CNTNAP2: variants seen among roughly 807,000 people sequenced by gnomAD.
The protein encoded by CNTNAP2 is contactin-associated protein-like 2.
A neutral mutation model predicts 155.2 loss-of-function variants in CNTNAP2; 98 were observed. The ratio of observed to expected loss-of-function variants is 0.63; its 90% confidence interval spans 0.54 to 0.75. The LOEUF is 0.75. Ranked by LOEUF, CNTNAP2 falls within the 30% of genes least tolerant of loss-of-function variation. CNTNAP2 has a pLI of 0.00. For synonymous variants in CNTNAP2, 651 were observed against 631.2 expected, an observed-to-expected ratio of 1.03 and a Z score of -0.47; for missense variants, 1,727 against 1,688.1, an observed-to-expected ratio of 1.02 and a Z score of -0.40.
chr7:147,821,654 G>A (rs1026373076), intron 13 of CNTNAP2, among the ~76,000 whole-genome samples: 2 of 152,080 alleles, frequency 1.3e-5, no homozygotes, highest in Non-Finnish European at 2.9e-5. Flanking sequence ...GAAGAATTTG[G>A]GTGTTGGGGA....
At chr7:147,898,094 G>T (rs1799803470) in intron 13 of CNTNAP2, among the ~76,000 whole-genome samples, 1 of 152,148 alleles carries the variant, frequency 6.6e-6, no homozygotes, top group African/African-American at 2.4e-5. Flanking sequence ...TGCCAAAAAT[G>T]GTCATGCCAA....
At chr7:147,750,913 G>A (rs1797123932) in intron 13 of CNTNAP2, among the ~76,000 whole-genome samples, 1 of 151,990 alleles carries the variant, frequency 6.6e-6, no homozygotes, top group African/African-American at 2.4e-5. Context: ...GGTGGTGGGC[G>A]CCTGAAGTCC....
intron 5 of CNTNAP2, among the ~76,000 whole-genome samples, chr7:147,110,245 C>T (rs545995985): frequency 2.0e-5 from 3 of 152,010 alleles, no homozygotes; most frequent in Non-Finnish European, 4.4e-5. Flanking sequence ...ATGGACAAGA[C>T]CAATGTATGT....
intron 1 of CNTNAP2, among the ~76,000 whole-genome samples, chr7:146,221,749 A>G (rs12668863): frequency 0.39 from 59,679 of 152,132 alleles, 14,039 homozygotes; most frequent in East Asian, 0.58. Flanking sequence ...TTATTTTATA[A>G]TGGCAAATTT....
At chr7:148,370,472 A>T (rs1177238238) in intron 21 of CNTNAP2, among the ~76,000 whole-genome samples, 1 of 152,148 alleles carries the variant, frequency 6.6e-6, no homozygotes, top group Non-Finnish European at 1.5e-5. Flanking sequence ...TCTTTTCTGG[A>T]TAACAAAAGG....
Position 148,386,698 on chromosome 7 carries a change from CAGGG to C in CNTNAP2, c.3715+2814_3715+2817del, listed in dbSNP as rs769649171. 5.8e-4 allele frequency among the ~76,000 whole-genome samples: 89 copies of C among 152,246 alleles called. 1 individual carries two copies. Among genetic ancestry groups the C allele is most frequent in the South Asian group, 1.0e-3 (5 of 4,812 alleles). On this transcript the variant is annotated intron_variant, in intron 22 of 23. Coordinates refer to ENST00000361727, the MANE Select transcript of CNTNAP2 (RefSeq NM_014141.6). ...ACAGCAGCCTCTGGTTGCTCAGTGT[CAGGG>C]AGGAAAAACTTTTCCTCTGTCCTCT...
chr7:148,399,344 G>A (rs1300566933), intron 22 of CNTNAP2, among the ~76,000 whole-genome samples: 1 of 152,072 alleles, frequency 6.6e-6, no homozygotes, highest in African/African-American at 2.4e-5. Context: ...GCAGTGGCAC[G>A]TGCCTATAGT....
chr7:146,257,148 A>G (rs1378456283), intron 1 of CNTNAP2, among the ~76,000 whole-genome samples: 3 of 152,198 alleles, frequency 2.0e-5, no homozygotes, highest in Non-Finnish European at 1.5e-5. Context: ...TATTATGCAG[A>G]TTTCTTGTTA....
intron 9 of CNTNAP2, among the ~76,000 whole-genome samples, chr7:147,373,017 TTAAAATCTAACTGATCG>T (rs1418495639): frequency 1.3e-5 from 2 of 152,122 alleles, no homozygotes; most frequent in East Asian, 3.9e-4. Flanking sequence ...CATCACATTA[TTAAAATCTAACTGATCG>T]TACCGTCCAG....
At chr7:146,746,517 TG>T (rs1259360380) in intron 1 of CNTNAP2, among the ~76,000 whole-genome samples, 3 of 152,132 alleles carry the variant, frequency 2.0e-5, no homozygotes, top group Non-Finnish European at 4.4e-5. Context: ...TATATTATCA[TG>T]TAAAAGTTAT....
intron 18 of CNTNAP2, among the ~76,000 whole-genome samples, chr7:148,214,714 G>A (rs960504417): frequency 2.0e-5 from 3 of 152,218 alleles, no homozygotes; most frequent in South Asian, 4.2e-4. Context: ...AGGACTACAG[G>A]CACCTACCAC....
rs191767282 is a variant in CNTNAP2 at position 146,829,801 on chromosome 7, T to C, written c.209-9910T>C. On this transcript the variant is annotated intron_variant, in intron 2 of 23. Transcript: ENST00000361727. ...GTCTCTTCAGAGCAATGTTACGAGA[T>C]TGAGTTTCCACATCATTCTGGTTAT... Among the ~76,000 whole-genome samples the C allele has an allele frequency of 4.6e-5, 7 of 152,228 alleles. No individual in the cohort carries two copies. In the South Asian group the frequency reaches 1.0e-3, roughly 23 times the overall value.
intron 12 of CNTNAP2, among the ~76,000 whole-genome samples, chr7:147,636,310 AGAT>A (rs1485570020): frequency 1.3e-5 from 2 of 152,198 alleles, no homozygotes; most frequent in African/African-American, 4.8e-5. Flanking sequence ...AGAGCCTAGA[AGAT>A]GAAGTCACTT....
intron 1 of CNTNAP2, among the ~76,000 whole-genome samples, chr7:146,240,809 G>T (rs1045570737): frequency 6.6e-6 from 1 of 151,866 alleles, no homozygotes; most frequent in Non-Finnish European, 1.5e-5. Flanking sequence ...AATGTCATTA[G>T]CCCGTTCTTG....
chr7:147,441,206 A>G (rs1233842585), intron 10 of CNTNAP2, among the ~76,000 whole-genome samples: 1 of 151,770 alleles, frequency 6.6e-6, no homozygotes, highest in East Asian at 2.0e-4. Context: ...TTTTAAGCTC[A>G]TTCTTTCTTC....
At chr7:148,193,056 A>G (rs911145612) in intron 18 of CNTNAP2, among the ~76,000 whole-genome samples, 3 of 152,202 alleles carry the variant, frequency 2.0e-5, no homozygotes, top group Non-Finnish European at 4.4e-5. Context: ...AAATGAATAT[A>G]CTTTTGAGGT....
At chr7:146,339,264 C>T (rs868427341) in intron 1 of CNTNAP2, among the ~76,000 whole-genome samples, 7 of 152,132 alleles carry the variant, frequency 4.6e-5, no homozygotes, top group African/African-American at 1.4e-4. Flanking sequence ...CGTGTACATA[C>T]GTGCATGCAC....
In CNTNAP2 at chr7:146,205,976, T is replaced by C. The variant is rs368916098; in HGVS notation, c.97+89003T>C. Among the ~76,000 whole-genome samples the C allele has an allele frequency of 4.5e-4, 68 of 152,002 alleles. 2 individuals carry two copies. In the South Asian group the frequency reaches 9.7e-3, roughly 22 times the overall value. ...AAAGCAGGCTCCTATGCAGAGCCTA[T>C]TAATAAAGAAGGTAATGACCTCTAA... On this transcript the variant is annotated intron_variant, in intron 1 of 23. Transcript: ENST00000361727.
intron 13 of CNTNAP2, among the ~76,000 whole-genome samples, chr7:147,819,330 T>C (rs1798325619): frequency 6.6e-6 from 1 of 152,166 alleles, no homozygotes; most frequent in Non-Finnish European, 1.5e-5. Context: ...GTTGCCTTTT[T>C]CACTTCAGCT....
Sources: gnomAD v4.1 joint callset for allele counts (sites outside exome capture counted in the v4.1 genomes callset) on GRCh38, gnomAD v4.1.1 for gene constraint, MANE v1.5 for transcripts, NCBI Gene and HGNC (gene_info 2026-07-23, HGNC 2026-07-21) for gene names.